The following LGR5 variants were observed in gnomAD, a reference collection of about 807,000 sequenced individuals.
The protein encoded by LGR5 is leucine rich repeat containing G protein-coupled receptor 5.
Under a neutral mutation model 76.7 loss-of-function variants are expected in LGR5, and 54 were observed. That is an observed-to-expected ratio of 0.70 (90% confidence interval 0.57 to 0.88). The LOEUF (loss-of-function observed/expected upper bound fraction) is 0.88. Ranked by LOEUF, LGR5 falls within the 40% of genes least tolerant of loss-of-function variation. LGR5 has a pLI of 0.00. For missense variants in LGR5, 1,078 were observed against 1,073.3 expected (o/e 1.00, Z -0.06); for synonymous variants, 406 against 421.9 (o/e 0.96, Z 0.46).
At chr12:71,478,584 C>T (rs988436561) in intron 1 of LGR5, among the ~76,000 whole-genome samples, 14 of 152,118 alleles carry the variant, frequency 9.2e-5, no homozygotes, top group African/African-American at 3.4e-4. Flanking sequence ...TAAAGACAAA[C>T]TTTAGCTAGA....
intron 4 of LGR5, 124 bp from the exon 5 acceptor site, chr12:71,552,949 G>A: frequency 2.8e-6 from 2 of 722,834 alleles, no homozygotes. Flanking sequence ...AGATGTCAGG[G>A]CTCTCGGGGA....
At chr12:71,574,853 C>T (rs1878779771) in intron 13 of LGR5, among the ~76,000 whole-genome samples, 1 of 152,184 alleles carries the variant, frequency 6.6e-6, no homozygotes, top group Non-Finnish European at 1.5e-5. Context: ...ATGCGCTTTG[C>T]ACATTTTCTA....
intron 8 of LGR5, 29 bp downstream of exon 8, chr12:71,561,881 T>G: frequency 7.5e-7 from 1 of 1,335,328 alleles, no homozygotes; most frequent in Non-Finnish European, 1.1e-6. Flanking sequence ...TTTCGGTTTC[T>G]CCATCCTGAA....
At chr12:71,541,029 A>T (rs1876849337) in intron 4 of LGR5, among the ~76,000 whole-genome samples, 1 of 152,188 alleles carries the variant, frequency 6.6e-6, no homozygotes, top group Non-Finnish European at 1.5e-5. Flanking sequence ...ATGGAGGTGA[A>T]CTTAGAAGTT....
chr12:71,459,147 C>G (rs1383421894), intron 1 of LGR5, among the ~76,000 whole-genome samples: 2 of 152,070 alleles, frequency 1.3e-5, no homozygotes, highest in Non-Finnish European at 2.9e-5. Context: ...CCCTAAGAGG[C>G]AGAATCCTCC....
At chr12:71,544,307 C>CTTTTTTTTTTTTTTTTTTTTTTTTTTTTT (rs1565738932) in intron 4 of LGR5, among the ~76,000 whole-genome samples, 1 of 23,004 alleles carries the variant, frequency 4.3e-5, no homozygotes, top group African/African-American at 1.4e-4. Flanking sequence ...TTTTTTTTTT[C>CTTTTTTTTTTTTTTTTTTTTTTTTTTTTT]TTCTTCTTCT....
At chr12:71,514,763 C>G (rs754405932) in intron 2 of LGR5, among the ~76,000 whole-genome samples, 1 of 152,064 alleles carries the variant, frequency 6.6e-6, no homozygotes, top group Non-Finnish European at 1.5e-5. Flanking sequence ...CATGAATACA[C>G]AGTTTAAGAA....
chr12:71,567,828 T>A (rs2137445938), intron 11 of LGR5, among the ~76,000 whole-genome samples: 1 of 152,022 alleles, frequency 6.6e-6, no homozygotes, highest in East Asian at 1.9e-4. Flanking sequence ...AGAAAGGGAG[T>A]ATAGAGCAAA....
chr12:71,529,710 C>T (rs1876203566), intron 3 of LGR5, among the ~76,000 whole-genome samples: 1 of 152,116 alleles, frequency 6.6e-6, no homozygotes, highest in South Asian at 2.1e-4. Context: ...AATCCCAGCA[C>T]TTTGGAAGGC....
chr12:71,547,192 T>C (rs867387551), intron 4 of LGR5, among the ~76,000 whole-genome samples: 5 of 152,216 alleles, frequency 3.3e-5, no homozygotes, highest in South Asian at 2.1e-4. Context: ...TGTTATAATA[T>C]TTTTCCTCAG....
At chr12:71,482,559 G>T (rs1415641444) in intron 1 of LGR5, among the ~76,000 whole-genome samples, 1 of 152,098 alleles carries the variant, frequency 6.6e-6, no homozygotes, top group East Asian at 1.9e-4. Flanking sequence ...TTCTGAGTTA[G>T]TAGGGGTTAG....
Position 71,584,177 on chromosome 12 carries a change from A to G in LGR5, c.2167A>G (p.Met723Val), listed in dbSNP as rs1445748969. 2 of 1,614,096 alleles carry G rather than the reference A, an allele frequency of 1.2e-6. No homozygotes were observed. Among genetic ancestry groups the G allele is most frequent in the South Asian group, 1.1e-5 (1 of 91,078 alleles). ...LPLPFGEPST[M>V]GYMVALILLN... ...TTTGCCTTTTGGGGAGCCCAGCACC[A>G]TGGGCTACATGGTCGCTCTCATCTT... Residue 723 changes from methionine (M) to valine (V), a missense_variant, in exon 18 of 18, where the codon ATG becomes GTG. By Grantham distance (21) the Met-to-Val change is conservative. Transcript: ENST00000266674.
chr12:71,533,370 A>C (rs1876425299), intron 3 of LGR5, among the ~76,000 whole-genome samples: 1 of 152,136 alleles, frequency 6.6e-6, no homozygotes, highest in Non-Finnish European at 1.5e-5. Flanking sequence ...TAATTAAATA[A>C]CTAAATACAT....
intron 2 of LGR5, among the ~76,000 whole-genome samples, chr12:71,521,648 G>A (rs1000964337): frequency 2.0e-5 from 3 of 152,182 alleles, no homozygotes; most frequent in Non-Finnish European, 4.4e-5. Context: ...GTAGCTGGGT[G>A]GCCATGTAAT....
At chr12:71,455,132 C>G (rs1018540615) in intron 1 of LGR5, among the ~76,000 whole-genome samples, 3 of 152,046 alleles carry the variant, frequency 2.0e-5, no homozygotes, top group African/African-American at 7.2e-5. Context: ...ATCACAATTT[C>G]TGAGGGAAGG....
intron 11 of LGR5, chr12:71,567,275 T>TGATA: frequency 4.2e-6 from 1 of 239,306 alleles, no homozygotes; most frequent in Non-Finnish European, 8.3e-6. Flanking sequence ...GATGCCAAAA[T>TGATA]CAAAAACTGA....
chr12:71,566,461 TGAACTAA>T lies in LGR5; in HGVS notation c.920_926del (p.Leu307HisfsTer2), dbSNP rs779195520. ...GGAGATCTGCTTTTCAACATTTACC[TGAACTAA>T]GAACACTGTAAGTTTCTATGTCTCT... On this transcript the variant is annotated frameshift_variant, in exon 9 of 18. Transcript: ENST00000266674. LOFTEE classifies it high-confidence loss of function. 6.2e-7 allele frequency: 1 copy of T among 1,604,070 alleles called. No individual in the cohort carries two copies. Among genetic ancestry groups the T allele is most frequent in the Non-Finnish European group, 8.5e-7 (1 of 1,171,170 alleles).
chr12:71,494,854 A>T (rs1874240893), intron 1 of LGR5, among the ~76,000 whole-genome samples: 1 of 151,196 alleles, frequency 6.6e-6, no homozygotes, highest in Non-Finnish European at 1.5e-5. Context: ...AGTCTAGTTT[A>T]TGTCAAGCAC....
intron 3 of LGR5, among the ~76,000 whole-genome samples, chr12:71,532,526 C>T (rs1876369007): frequency 6.6e-6 from 1 of 152,088 alleles, no homozygotes; most frequent in Non-Finnish European, 1.5e-5. Context: ...TTAGAAAAAA[C>T]TCTCAGGCAT....
Sources: gnomAD v4.1 joint callset for allele counts (sites outside exome capture counted in the v4.1 genomes callset) on GRCh38, gnomAD v4.1.1 for gene constraint, MANE v1.5 for transcripts, NCBI Gene and HGNC (gene_info 2026-07-23, HGNC 2026-07-21) for gene names.